The following LPAR3 variants were observed in gnomAD, a reference collection of about 807,000 sequenced individuals.
LPAR3 encodes the protein lysophosphatidic acid receptor 3.
In LPAR3, 7 loss-of-function variants were observed where a neutral mutation model predicts 17.8. The observed-to-expected ratio is 0.39, with a 90% confidence interval of 0.22 to 0.74. The LOEUF is 0.74. LPAR3 is among the 30% of genes least tolerant of loss of function. The pLI is 0.40. For missense variants in LPAR3, 391 were observed against 453.4 expected, an observed-to-expected ratio of 0.86 and a Z score of 1.25; for synonymous variants, 179 against 179.9, an observed-to-expected ratio of 0.99 and a Z score of 0.04.
chr1:84,878,303 C>G (rs1463624212), intron 1 of LPAR3, among the ~76,000 whole-genome samples: 3 of 152,210 alleles, frequency 2.0e-5, no homozygotes, highest in Non-Finnish European at 4.4e-5. Context: ...CCTGCCGCCT[C>G]AGTGACTTGA....
At chr1:84,892,729 AG>A (rs1353132588) in intron 1 of LPAR3, among the ~76,000 whole-genome samples, 4 of 152,342 alleles carry the variant, frequency 2.6e-5, no homozygotes, top group African/African-American at 9.6e-5. Context: ...CTCTGCGCCC[AG>A]CCCGCCAGCC....
intron 1 of LPAR3, among the ~76,000 whole-genome samples, chr1:84,889,783 G>T (rs914885501): frequency 6.6e-6 from 1 of 152,138 alleles, no homozygotes; most frequent in African/African-American, 2.4e-5. Context: ...CCTGCCTGGG[G>T]TGGCCCACAT....
intron 2 of LPAR3, among the ~76,000 whole-genome samples, chr1:84,822,199 T>C (rs1234430843): frequency 2.7e-5 from 4 of 147,386 alleles, no homozygotes; most frequent in African/African-American, 1.1e-4. Context: ...TAAGAAGCAA[T>C]TTTTTTTTAT....
intron 2 of LPAR3, among the ~76,000 whole-genome samples, chr1:84,817,267 A>T (rs1173190253): frequency 6.8e-6 from 1 of 146,342 alleles, no homozygotes; most frequent in Non-Finnish European, 1.5e-5. Flanking sequence ...TCTATCACAC[A>T]CACACACACA....
At chr1:84,844,554 A>T (rs1659562974) in intron 2 of LPAR3, among the ~76,000 whole-genome samples, 1 of 152,220 alleles carries the variant, frequency 6.6e-6, no homozygotes, top group African/African-American at 2.4e-5. Flanking sequence ...TTGGAGATGT[A>T]TATAAAACGA....
chr1:84,892,250 TAAATAAATAAAA>T lies in LPAR3; in HGVS notation c.-19+754_-19+765del, dbSNP rs1222968346. On this transcript the variant is annotated intron_variant, in intron 1 of 2. Transcript: ENST00000370611. ...ATAAATAAATAAATAAATAAATAAA[TAAATAAATAAAA>T]ACTAACCTACAAATGCTTTTCAGGG... 2.4e-3 allele frequency among the ~76,000 whole-genome samples: 350 copies of T among 143,498 alleles called. 1 individual carries two copies. Among genetic ancestry groups the T allele is most frequent in the Middle Eastern group, 0.018 (5 of 284 alleles). The allele number at this position is 143,498 out of a possible 152,430, so 94.1% of individuals were successfully genotyped here. A position where few individuals can be genotyped will look rare whatever the true frequency, so the allele number is the denominator to read the frequency against.
At chr1:84,865,335 G>T (rs1445601540) in intron 2 of LPAR3, 50 bp downstream of exon 2, 2 of 1,542,628 alleles carry the variant, frequency 1.3e-6, no homozygotes, top group Non-Finnish European at 1.8e-6. Flanking sequence ...GCTCCGTAAA[G>T]ATTTGCTGAA....
intron 2 of LPAR3, among the ~76,000 whole-genome samples, chr1:84,826,156 A>G (rs555553518): frequency 6.6e-6 from 1 of 150,688 alleles, no homozygotes; most frequent in South Asian, 2.1e-4. Context: ...GCAACATATA[A>G]TATATACATA....
intron 2 of LPAR3, among the ~76,000 whole-genome samples, chr1:84,817,802 CA>C (rs10674807): frequency 0.021 from 2,532 of 119,598 alleles, 19 homozygotes; most frequent in African/African-American, 0.036. Context: ...CTTTCCTGGC[CA>C]AAAAAAAAAA....
intron 2 of LPAR3, among the ~76,000 whole-genome samples, chr1:84,839,891 T>C (rs1659476286): frequency 6.6e-6 from 1 of 152,094 alleles, no homozygotes; most frequent in Non-Finnish European, 1.5e-5. Flanking sequence ...ATCCATAGAG[T>C]GCTTATTTAA....
intron 2 of LPAR3, among the ~76,000 whole-genome samples, chr1:84,854,970 C>T (rs1659789733): frequency 6.6e-6 from 1 of 152,134 alleles, no homozygotes; most frequent in Admixed American, 6.5e-5. Context: ...GGGATCTTTC[C>T]GCCACATACT....
intron 1 of LPAR3, among the ~76,000 whole-genome samples, chr1:84,878,409 C>T (rs1660296953): frequency 1.3e-5 from 2 of 152,126 alleles, no homozygotes; most frequent in Admixed American, 1.3e-4. Context: ...TCTCAGCCCT[C>T]TCTTCTTTTC....
intron 1 of LPAR3, 124 bp from the exon 2 acceptor site, chr1:84,866,262 G>C: frequency 1.4e-6 from 1 of 694,038 alleles, no homozygotes. Flanking sequence ...TGAAGTGTCA[G>C]GTCTCAGTGC....
intron 2 of LPAR3, among the ~76,000 whole-genome samples, chr1:84,814,877 C>T (rs539260899): frequency 6.6e-6 from 1 of 152,266 alleles, no homozygotes; most frequent in African/African-American, 2.4e-5. Context: ...ACTTTTCAGA[C>T]TCTGCAATTG....
At chr1:84,859,433 C>A (rs56377436) in intron 2 of LPAR3, among the ~76,000 whole-genome samples, 1 of 152,098 alleles carries the variant, frequency 6.6e-6, no homozygotes, top group African/African-American at 2.4e-5. Context: ...CCCTTAACAA[C>A]GATAATGTTT....
intron 2 of LPAR3, among the ~76,000 whole-genome samples, chr1:84,834,579 C>T (rs1241381281): frequency 6.6e-6 from 1 of 152,152 alleles, no homozygotes; most frequent in African/African-American, 2.4e-5. Context: ...TTTCATGGGG[C>T]CTTTGGCAAG....
rs1010879791 is a variant in LPAR3 at position 84,819,866 on chromosome 1, C to T, written c.737-5695G>A. ...CTCTGCCTTCTCCACTGGAGCTCTC[C>T]CATCTCTTCCACCACAGTGTCCATT... is the stretch of plus-strand genomic sequence containing the variant. On this transcript the variant is annotated intron_variant, in intron 2 of 2. Transcript: ENST00000370611. Among the ~76,000 whole-genome samples, 3 of 152,236 alleles carry T rather than the reference C, an allele frequency of 2.0e-5. No individual in the cohort carries two copies. The East Asian group carries it at 5.8e-4, about 29-fold the overall frequency.
intron 2 of LPAR3, among the ~76,000 whole-genome samples, chr1:84,856,937 T>C (rs1420351904): frequency 6.6e-6 from 1 of 152,110 alleles, no homozygotes; most frequent in Non-Finnish European, 1.5e-5. Flanking sequence ...CAGAATTTCG[T>C]AGGGGAGAGG....
Position 84,812,340 on chromosome 1 carries a change from T to G in LPAR3, c.*1506A>C, listed in dbSNP as rs1658829833. The G allele has an allele frequency of 6.6e-6, 1 of 152,314 alleles. No individual in the cohort carries two copies. The highest frequency in any genetic ancestry group is 3.4e-3 in the Middle Eastern group (1 of 294). The allele number at this position is 152,314 out of a possible 1,614,324, so 9.4% of individuals were successfully genotyped here. ...AAAGTCTAGGTGGCCCGTGAATTGATTTCACCTTCGCTGTCCTTCGAGTTT... is the reference window on the plus strand; with the variant it reads ...AAAGTCTAGGTGGCCCGTGAATTGAGTTCACCTTCGCTGTCCTTCGAGTTT... On this transcript the variant is annotated 3_prime_UTR_variant, in exon 3 of 3. Coordinates refer to ENST00000370611, the MANE Select transcript of LPAR3 (RefSeq NM_012152.3).
Sources: gnomAD v4.1 joint callset for allele counts (sites outside exome capture counted in the v4.1 genomes callset) on GRCh38, gnomAD v4.1.1 for gene constraint, MANE v1.5 for transcripts, NCBI Gene and HGNC (gene_info 2026-07-23, HGNC 2026-07-21) for gene names.